MUC12: variants seen among roughly 807,000 people sequenced by gnomAD.
The protein encoded by MUC12 is mucin 12, cell surface associated.
MUC12 carries 172 observed loss-of-function variants against 230.8 expected under a neutral mutation model. That is an observed-to-expected ratio of 0.75 (90% CI 0.66 to 0.85). MUC12 has a LOEUF of 0.85. Ranked by LOEUF, MUC12 falls within the 40% of genes least tolerant of loss-of-function variation. The pLI is 0.00. For missense variants in MUC12, 3,506 were observed against 5,920.6 expected (o/e 0.59, Z 13.38); for synonymous variants, 1,259 against 2,401.9 (o/e 0.52, Z 13.91).
At position 100,990,621 on chromosome 7, in the gene MUC12, CA is replaced by C; in HGVS notation, c.68-7del. ...TCATAGCACTTTCTCTGGTTTCTCT[CA>C]AATCACAGGCTCAACAGTAAACACC... On this transcript the variant is annotated splice_polypyrimidine_tract_variant and intron_variant, in intron 1 of 11. Transcript: ENST00000536621. 1 of 1,537,326 alleles carries C rather than the reference CA, an allele frequency of 6.5e-7. No individual in the cohort carries two copies. The highest frequency in any genetic ancestry group is 8.7e-7 in the Non-Finnish European group (1 of 1,146,902).
chr7:101,010,239 T>A (rs763320590), intron 5 of MUC12, among the ~76,000 whole-genome samples: 1 of 151,502 alleles, frequency 6.6e-6, no homozygotes, highest in African/African-American at 2.4e-5. Context: ...GGGAAGGAGA[T>A]GATGAGTTCA....
At chr7:100,972,758 G>C in intron 1 of MUC12, 1 of 659,026 alleles carries the variant, frequency 1.5e-6, no homozygotes, top group Non-Finnish European at 2.8e-6. Flanking sequence ...TGCTCAGCTC[G>C]AACTCCCAAA....
chr7:101,004,731 C>A lies in MUC12; in HGVS notation c.14168C>A (p.Thr4723Lys), dbSNP rs1457578481. ...TFYISPGSMETTLASTATTPG... is the reference protein window; with the variant it reads ...TFYISPGSMEKTLASTATTPG... Reference sequence around the variant, plus strand: ...TATATCTCTCCAGGCTCAATGGAAACAACATTAGCCAGCACTGCCACAACA... The same window carrying A: ...TATATCTCTCCAGGCTCAATGGAAAAAACATTAGCCAGCACTGCCACAACA... The change falls in exon 2 of 12, where the codon ACA becomes AAA. Residue 4723 changes from threonine (T) to lysine (K), a missense_variant. Coordinates refer to ENST00000536621, the MANE Select transcript of MUC12 (RefSeq NM_001164462.2). 1 of 1,536,984 alleles carries A rather than the reference C, an allele frequency of 6.5e-7. No homozygotes were observed.
rs746174059 is a variant in MUC12 at position 101,012,299 on chromosome 7, C to T, written c.15255C>T (p.Asn5085=). ...ATGAAACGATTCCCACTTCCAGCAACGGTAGCATCGTGGTCAAGAACGATG... is the reference window on the plus strand; with the variant it reads ...ATGAAACGATTCCCACTTCCAGCAATGGTAGCATCGTGGTCAAGAACGATG... ...YRGVNIRRLL[N]GSIVVKNDVI... is the part of the protein sequence containing the mutation. The change falls in exon 6 of 12, where the codon AAC becomes AAT. Residue 5085 remains asparagine, a synonymous_variant. Transcript: ENST00000536621. The T allele has an allele frequency of 1.0e-5, 16 of 1,536,782 alleles. No individual in the cohort carries two copies. The highest frequency in any genetic ancestry group is 4.8e-5 in the South Asian group (4 of 83,936).
At chr7:100,980,560 C>T (rs938899449) in intron 1 of MUC12, among the ~76,000 whole-genome samples, 12 of 152,248 alleles carry the variant, frequency 7.9e-5, no homozygotes, top group Non-Finnish European at 1.6e-4. Context: ...AATAAACATT[C>T]TTGTATAAAT....
chr7:101,004,522 A>T lies in MUC12; in HGVS notation c.13959A>T (p.Glu4653Asp), dbSNP rs1424088464. 4 of 1,535,840 alleles carry T rather than the reference A, an allele frequency of 2.6e-6. No individual in the cohort carries two copies. In the East Asian group the frequency reaches 9.8e-5, roughly 38 times the overall value. The change falls in exon 2 of 12, where the codon GAA becomes GAT. Residue 4653 changes from glutamate to aspartate, a missense_variant. Coordinates refer to ENST00000536621, the MANE Select transcript of MUC12 (RefSeq NM_001164462.2). ...CTAGCACCACATCTGCCCTTGTTGAAGAACCTACCAGCTACCACAGCAGCC... is the reference window on the plus strand; with the variant it reads ...CTAGCACCACATCTGCCCTTGTTGATGAACCTACCAGCTACCACAGCAGCC... Reference protein sequence around the residue: ...SPPSTTSALVEEPTSYHSSPG... With the variant: ...SPPSTTSALVDEPTSYHSSPG...
At chr7:100,982,479 C>T (rs1343757705) in intron 1 of MUC12, among the ~76,000 whole-genome samples, 1 of 151,312 alleles carries the variant, frequency 6.6e-6, no homozygotes, top group African/African-American at 2.4e-5. Flanking sequence ...CTCTGTTGCC[C>T]AGGCTGGAGT....
chr7:100,977,409 C>G (rs926893526), intron 1 of MUC12, among the ~76,000 whole-genome samples: 2 of 151,348 alleles, frequency 1.3e-5, no homozygotes, highest in African/African-American at 2.4e-5. Flanking sequence ...TTCTGTTGCC[C>G]AGGCTGGAGT....
rs948488010 is a variant in MUC12 at position 101,012,458 on chromosome 7, C to T, written c.15403+11C>T. The T allele has an allele frequency of 1.3e-6, 2 of 1,537,538 alleles. No individual in the cohort carries two copies. Among genetic ancestry groups the T allele is most frequent in the African/African-American group, 2.7e-5 (2 of 73,000 alleles). On this transcript the variant is annotated intron_variant, in intron 6 of 11. Transcript: ENST00000536621. ...CTGATTCCTGCAGAAGTAAGCTCAC[C>T]TAAAACCCCTTGACACCTGTGGGTG...
chr7:100,992,413 C>T lies in MUC12; in HGVS notation c.1850C>T (p.Thr617Ile), dbSNP rs528214667. Residue 617 changes from threonine (T) to isoleucine (I), a missense_variant, in exon 2 of 12, where the codon ACA (threonine) becomes ATA (isoleucine). Physicochemically the swap from Thr to Ile is moderately conservative, Grantham distance 89 (BLOSUM62 -1). Transcript: ENST00000536621. ...PVHSSTRSPH[T>I]TLSPAGSTTR... is the part of the protein sequence containing the mutation. ...CACAGCAGCACCAGATCGCCACACACAACACTGTCCCCTGCCGGCTCTACA... is the reference window on the plus strand; with the variant it reads ...CACAGCAGCACCAGATCGCCACACATAACACTGTCCCCTGCCGGCTCTACA... The T allele has an allele frequency of 2.1e-5, 33 of 1,537,540 alleles. No homozygotes were observed. The highest frequency in any genetic ancestry group is 2.7e-5 in the Non-Finnish European group (31 of 1,146,798).
In MUC12 at chr7:100,995,869, C is replaced by G. The variant is rs1473553881; in HGVS notation, c.5306C>G (p.Ser1769Cys). ...ACAACCTCAGGCCTCGTTGAAGAAT[C>G]TACGGCGTACCACAGCAGCCCGGGC... ...RSTTSGLVEE[S>C]TAYHSSPGST... is the part of the protein sequence containing the mutation. The change falls in exon 2 of 12, where the codon TCT becomes TGT. Residue 1769 changes from serine (S) to cysteine (C), a missense_variant. Ser to Cys is a moderately radical substitution (Grantham distance 112). Transcript: ENST00000536621. 5 of 1,437,340 alleles carry G rather than the reference C, an allele frequency of 3.5e-6. No homozygotes were observed. Among genetic ancestry groups the G allele is most frequent in the East Asian group, 2.5e-5 (1 of 39,740 alleles). 89.0% of individuals were successfully genotyped at this position (1,437,340 alleles called of 1,614,324 possible). A position where few individuals can be genotyped will look rare whatever the true frequency, so the allele number is the denominator to read the frequency against.
chr7:100,991,859 C>T lies in MUC12; in HGVS notation c.1296C>T (p.Gly432=), dbSNP rs1463124047. ...TCCGTGATAGCTCCACAATCTCAGG[C>T]CGTAGTGAGGAATCAAAAGCATCCC... The part of the protein sequence containing the change: ...THFRDSSTIS[G]RSEESKASHS... The change falls in exon 2 of 12, where the codon GGC becomes GGT. Residue 432 remains glycine (G), a synonymous_variant. Coordinates refer to ENST00000536621, the MANE Select transcript of MUC12 (RefSeq NM_001164462.2). 5.2e-6 allele frequency: 8 copies of T among 1,537,678 alleles called. No individual in the cohort carries two copies. Among genetic ancestry groups the T allele is most frequent in the Non-Finnish European group, 5.2e-6 (6 of 1,146,838 alleles).
rs1360386912 is a variant in MUC12, at chr7:101,005,414, A to C, written c.14851A>C (p.Ser4951Arg). 1 of 1,537,928 alleles carries C rather than the reference A, an allele frequency of 6.5e-7. No homozygotes were observed. Among genetic ancestry groups the C allele is most frequent in the Non-Finnish European group, 8.7e-7 (1 of 1,147,058 alleles). ...SPTYTTLFPA[S>R]SSTSGLTEES... The stretch of plus-strand genomic sequence containing the variant: ...TACTTACACAACACTCTTTCCTGCG[A>C]GTTCCAGCACATCAGGCCTCACTGA... Residue 4951 changes from serine to arginine, a missense_variant, in exon 2 of 12, where the codon AGT (serine) becomes CGT (arginine). By Grantham distance (110) the Ser-to-Arg change is moderately radical. Coordinates refer to ENST00000536621, the MANE Select transcript of MUC12 (RefSeq NM_001164462.2).
Position 101,005,164 on chromosome 7 carries a change from C to G in MUC12, c.14601C>G (p.His4867Gln), listed in dbSNP as rs1793722320. ...PGSTETTAFS[H>Q]SNTMSIHSQQ... is the part of the protein sequence containing the mutation. ...CAACTGAAACCACAGCGTTTTCTCA[C>G]AGCAACACAATGTCCATTCATAGTC... The change falls in exon 2 of 12, where the codon CAC (histidine) becomes CAG (glutamine). Residue 4867 changes from histidine (H) to glutamine (Q), a missense_variant. Coordinates refer to ENST00000536621, the MANE Select transcript of MUC12 (RefSeq NM_001164462.2). The G allele has an allele frequency of 1.3e-6, 2 of 1,537,932 alleles. No individual in the cohort carries two copies. The highest frequency in any genetic ancestry group is 2.4e-5 in the East Asian group (1 of 40,924).
intron 10 of MUC12, among the ~76,000 whole-genome samples, chr7:101,016,409 C>T (rs1387069915): frequency 1.2e-4 from 18 of 152,052 alleles, no homozygotes; most frequent in Admixed American, 1.2e-3. Flanking sequence ...CAGGTTCAAG[C>T]GATTCTCCTG....
chr7:100,987,193 A>G (rs1012935702), intron 1 of MUC12, among the ~76,000 whole-genome samples: 7 of 150,568 alleles, frequency 4.6e-5, no homozygotes, highest in Non-Finnish European at 8.8e-5. Context: ...CAGCCTCCCA[A>G]GTAGCTGGGA....
chr7:100,972,722 T>G (rs1198238057), intron 1 of MUC12: 8 of 619,632 alleles, frequency 1.3e-5, no homozygotes, highest in Non-Finnish European at 2.0e-5. Flanking sequence ...GCCAGGCTGG[T>G]CTTGAGCTCC....
At chr7:101,015,760 C>A in intron 10 of MUC12, 69 bp downstream of exon 10, 1 of 1,382,374 alleles carries the variant, frequency 7.2e-7, no homozygotes, top group South Asian at 1.3e-5. Flanking sequence ...GGTGCCTGTG[C>A]CTGTGGGGGT....
At chr7:100,977,050 C>CAAAAAAAAA (rs1157648244) in intron 1 of MUC12, among the ~76,000 whole-genome samples, 3 of 62,414 alleles carry the variant, frequency 4.8e-5, no homozygotes, top group Admixed American at 2.1e-4. Flanking sequence ...GACTCCATCT[C>CAAAAAAAAA]AAAAAAAAAA....
Sources: gnomAD v4.1 joint callset for allele counts (sites outside exome capture counted in the v4.1 genomes callset) on GRCh38, gnomAD v4.1.1 for gene constraint, MANE v1.5 for transcripts, NCBI Gene and HGNC (gene_info 2026-07-23, HGNC 2026-07-21) for gene names.